ROBO1: variants seen among roughly 807,000 people sequenced by gnomAD.
ROBO1 encodes roundabout homolog 1.
ROBO1 carries 149 observed loss-of-function variants against 195.9 expected under a neutral mutation model. The ratio of observed to expected loss-of-function variants is 0.76; its 90% CI spans 0.67 to 0.87. ROBO1 has a LOEUF of 0.87. Among genes scored for constraint, ROBO1 ranks in the 40% least tolerant of loss-of-function variants. The probability of loss-of-function intolerance (pLI) is 0.00; values close to 1 mark genes in which losing one functional copy is unlikely to be tolerated. For missense variants in ROBO1, 1,933 were observed against 2,068.3 expected (o/e 0.93, Z 1.27); for synonymous variants, 816 against 733.2 (o/e 1.11, Z -1.82).
chr3:78,656,997 T>C, intron 18 of ROBO1, 101 bp downstream of exon 18: 1 of 1,117,912 alleles, frequency 8.9e-7, no homozygotes, highest in Non-Finnish European at 1.2e-6. Context: ...CCATATTCTA[T>C]TAAATTAGCA....
At chr3:79,330,041 C>A (rs1390606026) in intron 2 of ROBO1, among the ~76,000 whole-genome samples, 3 of 151,692 alleles carry the variant, frequency 2.0e-5, no homozygotes, top group East Asian at 1.9e-4. Flanking sequence ...ATTATATGTA[C>A]TAATATCCTG....
At chr3:79,442,538 T>C (rs1377607627) in intron 2 of ROBO1, among the ~76,000 whole-genome samples, 1 of 152,112 alleles carries the variant, frequency 6.6e-6, no homozygotes, top group African/African-American at 2.4e-5. Flanking sequence ...TCTGAATCCC[T>C]TTGTCTCAGG....
intron 2 of ROBO1, among the ~76,000 whole-genome samples, chr3:79,491,512 G>A (rs931987196): frequency 3.3e-5 from 5 of 152,128 alleles, no homozygotes; most frequent in African/African-American, 1.2e-4. Context: ...CTGTTGTCAG[G>A]AACAGATTTG....
At position 79,648,150 on chromosome 3, in the gene ROBO1, G is replaced by A. The variant is rs184749767; in HGVS notation, c.-50-58189C>T. Among the ~76,000 whole-genome samples, 84 of 152,162 alleles carry A rather than the reference G, an allele frequency of 5.5e-4. 1 individual carries two copies. Among genetic ancestry groups the A allele is most frequent in the Non-Finnish European group, 2.4e-4 (16 of 67,990 alleles). On this transcript the variant is annotated intron_variant, in intron 1 of 30. Transcript: ENST00000464233. ...ATTATAAGGTCAGGAACTTTTCCGGGCTAACCCACAGTGAACTGCACAACT... is the reference window on the plus strand; with the variant it reads ...ATTATAAGGTCAGGAACTTTTCCGGACTAACCCACAGTGAACTGCACAACT...
chr3:78,716,741 C>T (rs1229146475), intron 7 of ROBO1, among the ~76,000 whole-genome samples: 1 of 152,084 alleles, frequency 6.6e-6, no homozygotes, highest in African/African-American at 2.4e-5. Context: ...GAAGACGGCC[C>T]GCTGACAGTA....
chr3:78,997,097 T>A (rs1351995156), intron 3 of ROBO1, among the ~76,000 whole-genome samples: 1 of 152,180 alleles, frequency 6.6e-6, no homozygotes, highest in Admixed American at 6.6e-5. Flanking sequence ...CTACAATGCA[T>A]AGGACAGCCT....
intron 8 of ROBO1, among the ~76,000 whole-genome samples, chr3:78,705,998 C>T (rs76447602): frequency 2.7e-4 from 41 of 151,168 alleles, no homozygotes; most frequent in African/African-American, 9.8e-4. Context: ...AACGATGTCT[C>T]TGAGACTGCA....
intron 2 of ROBO1, among the ~76,000 whole-genome samples, chr3:79,486,823 C>A (rs1939183937): frequency 6.6e-6 from 1 of 152,130 alleles, no homozygotes; most frequent in South Asian, 2.1e-4. Flanking sequence ...TCTGCCCTCT[C>A]CCTATCTGCC....
At chr3:79,300,134 C>A (rs186590928) in intron 2 of ROBO1, among the ~76,000 whole-genome samples, 1 of 152,232 alleles carries the variant, frequency 6.6e-6, no homozygotes, top group African/African-American at 2.4e-5. Flanking sequence ...TGAGGAGCCC[C>A]TCAGCCCACC....
chr3:78,682,244 G>T (rs923605889), intron 10 of ROBO1, among the ~76,000 whole-genome samples: 1 of 150,498 alleles, frequency 6.6e-6, no homozygotes, highest in Non-Finnish European at 1.5e-5. Flanking sequence ...ACAAGTAGAA[G>T]AAATAAAATG....
intron 10 of ROBO1, among the ~76,000 whole-genome samples, chr3:78,677,561 T>G (rs1241515550): frequency 6.6e-6 from 1 of 151,116 alleles, no homozygotes; most frequent in Non-Finnish European, 1.5e-5. Context: ...CCAACAAAGA[T>G]CAAAAGAGAC....
At chr3:78,717,906 A>G (rs1430561242) in intron 5 of ROBO1, 23 bp from the exon 6 acceptor site, 2 of 1,610,828 alleles carry the variant, frequency 1.2e-6, no homozygotes, top group Non-Finnish European at 8.5e-7. Context: ...GTTTCACAGG[A>G]ATACTATTAA....
intron 2 of ROBO1, among the ~76,000 whole-genome samples, chr3:79,307,844 A>T (rs1402561246): frequency 6.6e-6 from 1 of 152,156 alleles, no homozygotes; most frequent in East Asian, 1.9e-4. Context: ...TGAATAAAGA[A>T]CATCACAGTG....
At chr3:78,641,692 T>C (rs1181063593) in intron 21 of ROBO1, among the ~76,000 whole-genome samples, 1 of 152,216 alleles carries the variant, frequency 6.6e-6, no homozygotes, top group African/African-American at 2.4e-5. Flanking sequence ...AGAGATGTTA[T>C]AGGACGTCTG....
intron 2 of ROBO1, among the ~76,000 whole-genome samples, chr3:79,349,104 A>G (rs2035243550): frequency 6.6e-6 from 1 of 152,170 alleles, no homozygotes; most frequent in African/African-American, 2.4e-5. Flanking sequence ...ATCTTTACAT[A>G]CGAAAGTAAA....
intron 8 of ROBO1, among the ~76,000 whole-genome samples, chr3:78,704,864 A>G (rs749328942): frequency 3.9e-5 from 6 of 152,090 alleles, no homozygotes; most frequent in Non-Finnish European, 7.4e-5. Context: ...ATACATTCAC[A>G]CAGTATGTTA....
Position 79,155,206 on chromosome 3 carries a change from G to A in ROBO1, c.89-29667C>T, listed in dbSNP as rs147581091. ...AAGATCTACCCTTTTTTTTTTTCTG[G>A]ATTGCTATATTGCTTGCTAAGTCAT... On this transcript the variant is annotated intron_variant, in intron 2 of 30. Coordinates refer to ENST00000464233, the MANE Select transcript of ROBO1 (RefSeq NM_002941.4). Among the ~76,000 whole-genome samples, 28 of 150,328 alleles carry A rather than the reference G, an allele frequency of 1.9e-4. No homozygotes were observed. The East Asian group carries it at 5.3e-3, about 28-fold the overall frequency.
intron 2 of ROBO1, among the ~76,000 whole-genome samples, chr3:79,419,900 T>A (rs1427101948): frequency 6.6e-6 from 1 of 152,082 alleles, no homozygotes; most frequent in African/African-American, 2.4e-5. Flanking sequence ...AATACGTACA[T>A]AAGGTATGTA....
chr3:79,577,951 A>G (rs552884106), intron 2 of ROBO1, among the ~76,000 whole-genome samples: 1 of 151,878 alleles, frequency 6.6e-6, no homozygotes, highest in Non-Finnish European at 1.5e-5. Context: ...CAAAAAACAA[A>G]AAACTCTTAA....
Sources: gnomAD v4.1 joint callset for allele counts (sites outside exome capture counted in the v4.1 genomes callset) on GRCh38, gnomAD v4.1.1 for gene constraint, MANE v1.5 for transcripts, NCBI Gene and HGNC (gene_info 2026-07-23, HGNC 2026-07-21) for gene names.